The following FGF12 variants were observed in gnomAD, a reference collection of about 807,000 sequenced individuals.
FGF12 encodes fibroblast growth factor 12B.
Under a neutral mutation model 23.6 loss-of-function variants are expected in FGF12, and 14 were observed. The ratio of observed to expected loss-of-function variants is 0.59; its 90% CI spans 0.39 to 0.93. The LOEUF is 0.93. FGF12 is among the 40% of genes least tolerant of loss of function. The pLI is 0.00. For synonymous variants in FGF12, 62 were observed against 77.3 expected (o/e 0.80, Z 1.04); for missense variants, 175 against 217.8 (o/e 0.80, Z 1.24).
intron 2 of FGF12, among the ~76,000 whole-genome samples, chr3:192,423,440 T>C (rs1372484544): frequency 3.3e-5 from 5 of 152,186 alleles, no homozygotes; most frequent in Non-Finnish European, 4.4e-5. Context: ...GTATAACTGC[T>C]GTTAGCTTAT....
chr3:192,277,577 T>A (rs753530421), intron 4 of FGF12, among the ~76,000 whole-genome samples: 82 of 152,164 alleles, frequency 5.4e-4, no homozygotes, highest in Non-Finnish European at 1.1e-3. Flanking sequence ...TTTAACTGGG[T>A]AACTATGAGT....
chr3:192,570,601 G>C (rs1712544297), intron 2 of FGF12, among the ~76,000 whole-genome samples: 1 of 152,092 alleles, frequency 6.6e-6, no homozygotes, highest in Non-Finnish European at 1.5e-5. Context: ...AAACATACCA[G>C]AGTGTACATC....
intron 4 of FGF12, among the ~76,000 whole-genome samples, chr3:192,250,677 C>T (rs4687301): frequency 0.17 from 25,711 of 151,794 alleles, 2,301 homozygotes; most frequent in East Asian, 0.31. Flanking sequence ...ATAGAGGATA[C>T]CTATAGGTAT....
chr3:192,152,491 C>T (rs1285357652), intron 5 of FGF12, among the ~76,000 whole-genome samples: 2 of 150,504 alleles, frequency 1.3e-5, no homozygotes, highest in Non-Finnish European at 3.0e-5. Context: ...TTGAATGCGT[C>T]CCAGAGATTC....
chr3:192,596,257 T>C (rs140236468), intron 2 of FGF12, among the ~76,000 whole-genome samples: 31 of 151,994 alleles, frequency 2.0e-4, no homozygotes, highest in Non-Finnish European at 3.8e-4. Flanking sequence ...TTTTGTAAAT[T>C]TATTGAAACG....
Position 192,600,884 on chromosome 3 carries a change from T to C in FGF12, c.13+126297A>G, listed in dbSNP as rs377106121. Among the ~76,000 whole-genome samples, 47 of 152,178 alleles carry C rather than the reference T, an allele frequency of 3.1e-4. 1 individual carries two copies. The highest frequency in any genetic ancestry group is 1.0e-3 in the African/African-American group (42 of 41,538). ...CTCATAACACCGCTATGGAAAACAG[T>C]ATGGAGGTTCCTCAAAAAACTACAA... On this transcript the variant is annotated intron_variant, in intron 2 of 5. Transcript: ENST00000445105.
intron 2 of FGF12, among the ~76,000 whole-genome samples, chr3:192,588,532 C>T (rs909039621): frequency 1.3e-5 from 2 of 151,488 alleles, no homozygotes; most frequent in Non-Finnish European, 1.5e-5. Context: ...ATAATAGTAA[C>T]GATGTTAGGA....
At chr3:192,157,113 A>G (rs1281816288) in intron 5 of FGF12, among the ~76,000 whole-genome samples, 2 of 152,230 alleles carry the variant, frequency 1.3e-5, no homozygotes, top group African/African-American at 2.4e-5. Context: ...CACAGTATGT[A>G]CTACTTTAAA....
At chr3:192,376,246 A>C (rs969465026) in intron 2 of FGF12, among the ~76,000 whole-genome samples, 1 of 151,760 alleles carries the variant, frequency 6.6e-6, no homozygotes, top group South Asian at 2.1e-4. Context: ...CTCCAATTTA[A>C]TCATTTTCTC....
chr3:192,223,227 C>G (rs764562396), intron 4 of FGF12, among the ~76,000 whole-genome samples: 1 of 152,092 alleles, frequency 6.6e-6, no homozygotes, highest in Non-Finnish European at 1.5e-5. Flanking sequence ...CACTTAAAAA[C>G]AACACAAAGC....
rs1164796476 is a variant in FGF12, at chr3:192,641,101, C to CT, written c.13+86079dup. Among the ~76,000 whole-genome samples the CT allele has an allele frequency of 3.0e-3, 170 of 56,684 alleles. 8 individuals are homozygous for CT. The highest frequency in any genetic ancestry group is 3.9e-3 in the East Asian group (7 of 1,816). 37.2% of individuals were successfully genotyped at this position (56,684 alleles called of 152,430 possible). A position where few individuals can be genotyped will look rare whatever the true frequency, so the allele number is the denominator to read the frequency against. ...GTGAGCCATAGTGCCTGGCCTTTCA[C>CT]TTTTTTTTTTTTTTTTTTTTTTGAG... On this transcript the variant is annotated intron_variant, in intron 2 of 5. Coordinates refer to ENST00000445105, the MANE Select transcript of FGF12 (RefSeq NM_004113.6).
intron 2 of FGF12, among the ~76,000 whole-genome samples, chr3:192,471,680 A>AC (rs1356354064): frequency 6.6e-6 from 1 of 152,202 alleles, no homozygotes; most frequent in Non-Finnish European, 1.5e-5. Flanking sequence ...AGGAATTGAT[A>AC]GATATAAGCT....
intron 2 of FGF12, among the ~76,000 whole-genome samples, chr3:192,606,208 A>G (rs1714330779): frequency 2.0e-5 from 3 of 152,186 alleles, no homozygotes; most frequent in Non-Finnish European, 2.9e-5. Flanking sequence ...GAACAAAATC[A>G]TGTCCTTTGC....
At chr3:192,465,058 T>C (rs1722972730) in intron 2 of FGF12, among the ~76,000 whole-genome samples, 1 of 152,226 alleles carries the variant, frequency 6.6e-6, no homozygotes, top group Admixed American at 6.5e-5. Flanking sequence ...TATATAATGA[T>C]ATTTCTGTGG....
chr3:192,209,219 G>T (rs1262859062), intron 4 of FGF12, among the ~76,000 whole-genome samples: 1 of 152,072 alleles, frequency 6.6e-6, no homozygotes, highest in Non-Finnish European at 1.5e-5. Flanking sequence ...TCCAGCTATT[G>T]CCACTACCAC....
chr3:192,702,501 A>G (rs1373450056), intron 2 of FGF12, among the ~76,000 whole-genome samples: 1 of 148,368 alleles, frequency 6.7e-6, no homozygotes, highest in African/African-American at 2.6e-5. Flanking sequence ...TTCATGCCCA[A>G]ATGTAAAAAG....
chr3:192,396,117 A>C (rs1030564735), intron 2 of FGF12, among the ~76,000 whole-genome samples: 1 of 152,222 alleles, frequency 6.6e-6, no homozygotes, highest in African/African-American at 2.4e-5. Context: ...ATTGTGGCTA[A>C]GTTTTTTAAA....
At chr3:192,666,014 A>G (rs1716858266) in intron 2 of FGF12, among the ~76,000 whole-genome samples, 1 of 152,220 alleles carries the variant, frequency 6.6e-6, no homozygotes, top group African/African-American at 2.4e-5. Flanking sequence ...AATCCTTAGT[A>G]CTTATGCAGT....
At chr3:192,296,351 G>C (rs1715043296) in intron 4 of FGF12, among the ~76,000 whole-genome samples, 1 of 151,576 alleles carries the variant, frequency 6.6e-6, no homozygotes, top group South Asian at 2.1e-4. Context: ...AGCCTTCCCA[G>C]TAGCTGGGAC....
Sources: gnomAD v4.1 joint callset for allele counts (sites outside exome capture counted in the v4.1 genomes callset) on GRCh38, gnomAD v4.1.1 for gene constraint, MANE v1.5 for transcripts, NCBI Gene and HGNC (gene_info 2026-07-23, HGNC 2026-07-21) for gene names.